Variants in RUSC2 observed in about 807,000 individuals in gnomAD.
RUSC2 encodes the protein AP-4 complex accessory subunit RUSC2.
A neutral mutation model predicts 122.2 loss-of-function variants in RUSC2; 34 were observed. The ratio of observed to expected loss-of-function variants is 0.28; its 90% CI spans 0.21 to 0.37. The LOEUF (loss-of-function observed/expected upper bound fraction) is 0.37, where lower values mean the gene tolerates loss of function less well. Ranked by LOEUF, RUSC2 falls within the 10% of genes least tolerant of loss-of-function variation. The pLI, the probability that RUSC2 is intolerant of heterozygous loss-of-function variation, is 1.00. For missense variants in RUSC2, 1,747 were observed against 1,952.4 expected, an observed-to-expected ratio of 0.89 and a Z score of 1.98; for synonymous variants, 784 against 790.0, an observed-to-expected ratio of 0.99 and a Z score of 0.13.
intron 1 of RUSC2, among the ~76,000 whole-genome samples, chr9:35,521,506 T>G (rs1821214546): frequency 6.6e-6 from 1 of 152,238 alleles, no homozygotes; most frequent in African/African-American, 2.4e-5. Context: ...TTCCCAATGC[T>G]GCAGTCTCCA....
At chr9:35,510,436 T>G (rs1455221564) in intron 1 of RUSC2, among the ~76,000 whole-genome samples, 1 of 152,226 alleles carries the variant, frequency 6.6e-6, no homozygotes, top group Non-Finnish European at 1.5e-5. Flanking sequence ...CTAATTGGCC[T>G]CCCTGGATGG....
intron 1 of RUSC2, among the ~76,000 whole-genome samples, chr9:35,542,875 T>C (rs151238528): frequency 2.9e-4 from 44 of 152,370 alleles, no homozygotes; most frequent in African/African-American, 9.6e-4. Context: ...AATGCATGTA[T>C]GTCCTGGTAA....
intron 1 of RUSC2, among the ~76,000 whole-genome samples, chr9:35,501,705 A>C (rs1352714278): frequency 6.6e-6 from 1 of 152,220 alleles, no homozygotes; most frequent in Non-Finnish European, 1.5e-5. Flanking sequence ...GTAGCAGCCA[A>C]CCATGGTTCG....
intron 1 of RUSC2, among the ~76,000 whole-genome samples, chr9:35,542,777 G>A (rs974667675): frequency 7.2e-5 from 11 of 152,180 alleles, no homozygotes; most frequent in Admixed American, 1.3e-4. Flanking sequence ...CAAGGGCTCC[G>A]TCATCTCCCA....
rs567824059 is a variant in RUSC2 at position 35,524,768 on chromosome 9, G to A, written c.-92-21662G>A. 1.3e-3 allele frequency among the ~76,000 whole-genome samples: 199 copies of A among 152,012 alleles called. 1 individual carries two copies. The highest frequency in any genetic ancestry group is 2.5e-3 in the Non-Finnish European group (170 of 68,014). ...GGGTGGATCACAAGGTCAGGAGATCGAGACCATCCTGGGTAACACGGTGAA... is the reference window on the plus strand; with the variant it reads ...GGGTGGATCACAAGGTCAGGAGATCAAGACCATCCTGGGTAACACGGTGAA... On this transcript the variant is annotated intron_variant, in intron 1 of 11. Transcript: ENST00000361226.
At chr9:35,559,376 C>G (rs1822092872) in intron 9 of RUSC2, 104 bp downstream of exon 9, 2 of 963,666 alleles carry the variant, frequency 2.1e-6, no homozygotes, top group Non-Finnish European at 3.3e-6. Context: ...GGGAGGGGGA[C>G]CACACAAGCG....
Position 35,561,050 on chromosome 9 carries a change from G to C in RUSC2, c.4302G>C (p.Glu1434Asp), listed in dbSNP as rs1207105114. 2 of 1,614,154 alleles carry C rather than the reference G, an allele frequency of 1.2e-6. No individual in the cohort carries two copies. The highest frequency in any genetic ancestry group is 8.5e-7 in the Non-Finnish European group (1 of 1,180,008). The part of the protein sequence containing the change: ...VGSRREPEPK[E>D]SLQEPHSPAL... ...CCCGCCGGGAGCCAGAGCCCAAGGA[G>C]AGCCTGCAGGAGCCACACTCCCCAG... Residue 1434 changes from glutamate to aspartate, a missense_variant, in exon 11 of 12, where the codon GAG becomes GAC. Glu to Asp is a conservative substitution (Grantham distance 45, BLOSUM62 2). Transcript: ENST00000361226.
At chr9:35,541,911 ATTATTT>A (rs1821648810) in intron 1 of RUSC2, among the ~76,000 whole-genome samples, 1 of 148,636 alleles carries the variant, frequency 6.7e-6, no homozygotes, top group Non-Finnish European at 1.5e-5. Context: ...ATTTTTTTAA[ATTATTT>A]TTATATCATA....
chr9:35,511,241 T>C (rs554972207), intron 1 of RUSC2, among the ~76,000 whole-genome samples: 55 of 152,226 alleles, frequency 3.6e-4, no homozygotes, highest in African/African-American at 1.3e-3. Context: ...TGGAAGCAGC[T>C]AATAGGACAG....
intron 1 of RUSC2, among the ~76,000 whole-genome samples, chr9:35,545,954 T>A (rs1821737106): frequency 6.6e-6 from 1 of 152,212 alleles, no homozygotes; most frequent in Non-Finnish European, 1.5e-5. Context: ...AAATTATAGC[T>A]TATTGCTATG....
chr9:35,524,925 C>A (rs1222712948), intron 1 of RUSC2, among the ~76,000 whole-genome samples: 1 of 150,968 alleles, frequency 6.6e-6, no homozygotes, highest in Non-Finnish European at 1.5e-5. Flanking sequence ...AAGCCAAGAT[C>A]GCACCACTGC....
chr9:35,549,251 A>G (rs1360422298), intron 2 of RUSC2: 1 of 981,022 alleles, frequency 1.0e-6, no homozygotes, highest in Admixed American at 6.2e-5. Context: ...ACCAAGGGAT[A>G]TGTCTAACAA....
At chr9:35,520,770 A>G (rs1272592506) in intron 1 of RUSC2, among the ~76,000 whole-genome samples, 1 of 152,042 alleles carries the variant, frequency 6.6e-6, no homozygotes, top group East Asian at 1.9e-4. Context: ...CAAGCAAAGC[A>G]GTCTGTGCTG....
intron 1 of RUSC2, among the ~76,000 whole-genome samples, chr9:35,531,899 G>A (rs972413709): frequency 3.3e-5 from 5 of 152,058 alleles, no homozygotes; most frequent in South Asian, 4.1e-4. Flanking sequence ...GGTGGCGGGC[G>A]CCTGTAGTCC....
At chr9:35,556,762 G>A (rs1487319872) in intron 5 of RUSC2, among the ~76,000 whole-genome samples, 1 of 152,216 alleles carries the variant, frequency 6.6e-6, no homozygotes, top group Non-Finnish European at 1.5e-5. Context: ...AGGAGGTGGA[G>A]GTTGCAGTGA....
rs144810632 is a variant in RUSC2 at position 35,557,981 on chromosome 9, C to T, written c.3051C>T (p.Pro1017=). 69 of 1,613,984 alleles carry T rather than the reference C, an allele frequency of 4.3e-5. No homozygotes were observed. Among genetic ancestry groups the T allele is most frequent in the Non-Finnish European group, 5.2e-5 (61 of 1,179,990 alleles). Residue 1017 remains proline (P), a synonymous_variant, in exon 6 of 12, where the codon CCC becomes CCT. Coordinates refer to ENST00000361226, the MANE Select transcript of RUSC2 (RefSeq NM_014806.5). This position sits in a 1 kb window ranked among gnomAD's most constrained non-coding sequence, Gnocchi z 4.6. ...IVAHFGTSRD[P]GVKAKLGNSS... ...CTCATTTTGGCACAAGCCGGGATCC[C>T]GGGGTGAAGGTAGGCAAGGAAATGT...
At chr9:35,559,111 T>TCG (rs1460591992) in intron 8 of RUSC2, 115 bp from the exon 9 acceptor site, 8 of 829,018 alleles carry the variant, frequency 9.6e-6, no homozygotes, top group Non-Finnish European at 1.7e-5. Flanking sequence ...GTGAAATGAA[T>TCG]CGTGCCATGG....
Position 35,556,316 on chromosome 9 carries a change from G to A in RUSC2, c.2851G>A (p.Val951Met), listed in dbSNP as rs145444755. The change falls in exon 5 of 12, where the codon GTG becomes ATG. Residue 951 changes from valine (V) to methionine (M), a missense_variant. Coordinates refer to ENST00000361226, the MANE Select transcript of RUSC2 (RefSeq NM_014806.5). ...HLNCRLNGQA[V>M]KPLPLTCPDF... ...TTTTCTCTTCTTTCCAGGCCAAGCA[G>A]TGAAGCCGTTACCACTGACCTGCCC... is the stretch of plus-strand genomic sequence containing the variant. The A allele has an allele frequency of 2.9e-5, 47 of 1,613,998 alleles. No individual in the cohort carries two copies. The highest frequency in any genetic ancestry group is 1.2e-4 in the Admixed American group (7 of 59,976).
At chr9:35,542,069 G>C (rs941377991) in intron 1 of RUSC2, among the ~76,000 whole-genome samples, 5 of 152,100 alleles carry the variant, frequency 3.3e-5, no homozygotes, top group Admixed American at 6.6e-5. Context: ...ATGTGAATGG[G>C]GTGGGCAAAG....
Sources: allele counts gnomAD v4.1 joint callset (sites outside exome capture counted in the v4.1 genomes callset), GRCh38; gene constraint gnomAD v4.1.1; non-coding constraint Gnocchi (gnomAD v3.1); transcripts MANE v1.5; gene names NCBI Gene and HGNC (gene_info 2026-07-23, HGNC 2026-07-21).